PAX8: variants seen among roughly 807,000 people sequenced by gnomAD.
The protein encoded by PAX8 is paired box protein Pax-8.
A neutral mutation model predicts 52.4 loss-of-function variants in PAX8; 15 were observed. The observed-to-expected ratio is 0.29, with a 90% CI of 0.19 to 0.44. PAX8 has a LOEUF of 0.44. PAX8 is among the 20% of genes least tolerant of loss of function. The pLI, the probability that PAX8 is intolerant of heterozygous loss-of-function variation, is 1.00. For missense variants in PAX8, 554 were observed against 602.5 expected (o/e 0.92, Z 0.84); for synonymous variants, 284 against 249.7 (o/e 1.14, Z -1.29).
chr2:113,262,313 G>A (rs541646989), intron 2 of PAX8, among the ~76,000 whole-genome samples: 19 of 152,272 alleles, frequency 1.2e-4, no homozygotes, highest in African/African-American at 2.9e-4. Context: ...ACCATGACTC[G>A]CCTTTTCTAA....
Position 113,241,604 on chromosome 2 carries a change from G to A in PAX8, c.724C>T (p.Arg242Trp), listed in dbSNP as rs755800018. The change falls in exon 7 of 12, where the codon CGG becomes TGG. Residue 242 changes from arginine to tryptophan, a missense_variant. By Grantham distance (101) the Arg-to-Trp change is moderately radical. This residue lies in a region of PAX8 where 445 missense variants were observed against 409.9 expected (regional missense o/e 1.09). Coordinates refer to ENST00000429538, the MANE Select transcript of PAX8 (RefSeq NM_003466.4). ...GCATAGGCCTCTGGGTAGTGCTGCC[G>A]CTCAAATGGGCACTCGAGCGGCTCG... ...HLEPLECPFE[R>W]QHYPEAYASP... is the part of the protein sequence containing the mutation. The A allele has an allele frequency of 6.8e-6, 11 of 1,613,246 alleles. 1 individual carries two copies. The East Asian group carries it at 8.9e-5, about 13-fold the overall frequency.
intron 2 of PAX8, chr2:113,270,454 G>C (rs748486772): frequency 4.6e-5 from 7 of 152,200 alleles, no homozygotes; most frequent in African/African-American, 9.7e-5. Flanking sequence ...ATGGAAGCCC[G>C]GGCTTTGCCT....
intron 9 of PAX8, among the ~76,000 whole-genome samples, chr2:113,229,532 T>C (rs948330120): frequency 6.6e-6 from 1 of 152,204 alleles, no homozygotes; most frequent in Non-Finnish European, 1.5e-5. Flanking sequence ...TGTCCAGCTG[T>C]GCTTGGCACT....
intron 7 of PAX8, chr2:113,240,196 G>A (rs932876813): frequency 6.6e-5 from 10 of 152,504 alleles, no homozygotes; most frequent in African/African-American, 2.4e-4. Flanking sequence ...CCTTCCTGGA[G>A]CTGTGTGCTG....
intron 2 of PAX8, among the ~76,000 whole-genome samples, chr2:113,255,739 T>C (rs1692199351): frequency 6.6e-6 from 1 of 151,324 alleles, no homozygotes. Context: ...CCATAGAGAC[T>C]CTATGGAGAA....
rs577996515 is a variant in PAX8, at chr2:113,257,184, A to C, written c.26-10265T>G. Reference sequence around the variant, plus strand: ...ATTGATTTCTCTTCTCTCTCTTCTAAAATCCTTAGTAATGATAAAAGGGCA... The same window carrying C: ...ATTGATTTCTCTTCTCTCTCTTCTACAATCCTTAGTAATGATAAAAGGGCA... On this transcript the variant is annotated intron_variant, in intron 2 of 11. Transcript: ENST00000429538. Among the ~76,000 whole-genome samples the C allele has an allele frequency of 3.7e-4, 56 of 152,248 alleles. 2 individuals carry two copies. Among genetic ancestry groups the C allele is most frequent in the African/African-American group, 1.3e-3 (54 of 41,530 alleles).
chr2:113,257,345 C>A (rs1433625833), intron 2 of PAX8, among the ~76,000 whole-genome samples: 1 of 152,090 alleles, frequency 6.6e-6, no homozygotes, highest in Admixed American at 6.5e-5. Context: ...GGCTCTGTTT[C>A]CCTGGTGGGG....
chr2:113,218,889 T>C (rs903324360), intron 11 of PAX8, among the ~76,000 whole-genome samples: 1 of 152,076 alleles, frequency 6.6e-6, no homozygotes, highest in Non-Finnish European at 1.5e-5. Flanking sequence ...GAGAGGGCAA[T>C]AGAAAACAAT....
chr2:113,249,588 T>A (rs1251633330), intron 2 of PAX8, among the ~76,000 whole-genome samples: 4 of 152,032 alleles, frequency 2.6e-5, no homozygotes, highest in African/African-American at 7.2e-5. Context: ...TGCCTTTTTT[T>A]TAAAAAAAGA....
At chr2:113,265,645 C>T (rs1366784024) in intron 2 of PAX8, 1 of 152,144 alleles carries the variant, frequency 6.6e-6, no homozygotes, top group Non-Finnish European at 1.5e-5. Flanking sequence ...AGACTGAAGC[C>T]TTTGCTTTCT....
In PAX8 at chr2:113,278,418, GCCGAGGGCTCGGGGCTTCCT is replaced by G. The variant is rs1558768784; in HGVS notation, c.-44_-25del. 6.2e-7 allele frequency: 1 copy of G among 1,610,432 alleles called. No individual in the cohort carries two copies. Among genetic ancestry groups the G allele is most frequent in the Non-Finnish European group, 8.5e-7 (1 of 1,178,720 alleles). On this transcript the variant is annotated 5_prime_UTR_variant, in exon 2 of 12. Coordinates refer to ENST00000429538, the MANE Select transcript of PAX8 (RefSeq NM_003466.4). ...ATCGCCGGGGAGTCGCTCGCAGCCCGCCGAGGGCTCGGGGCTTCCTCCCGTAGGTCCGGGCCGCGCCTGCC... is the reference window on the plus strand; with the variant it reads ...ATCGCCGGGGAGTCGCTCGCAGCCCGCCCGTAGGTCCGGGCCGCGCCTGCC...
At chr2:113,221,930 GT>G (rs1432107749) in intron 10 of PAX8, among the ~76,000 whole-genome samples, 1 of 151,464 alleles carries the variant, frequency 6.6e-6, no homozygotes, top group Non-Finnish European at 1.5e-5. Flanking sequence ...AAAAACATGG[GT>G]AAAAAAAGGA....
intron 10 of PAX8, among the ~76,000 whole-genome samples, chr2:113,223,022 T>A (rs1376330479): frequency 3.3e-5 from 5 of 152,102 alleles, no homozygotes; most frequent in Non-Finnish European, 5.9e-5. Context: ...TTTCTAGTAG[T>A]CTTGTCATTA....
Position 113,244,579 on chromosome 2 carries a change from G to A in PAX8, c.237C>T (p.Ser79=). 6.2e-7 allele frequency: 1 copy of A among 1,614,172 alleles called. No homozygotes were observed. The highest frequency in any genetic ancestry group is 8.5e-7 in the Non-Finnish European group (1 of 1,180,020). Residue 79 remains serine (S), a synonymous_variant, in exon 4 of 12, where the codon TCC becomes TCT. Coordinates refer to ENST00000429538, the MANE Select transcript of PAX8 (RefSeq NM_003466.4). The part of the protein sequence containing the change: ...GSIRPGVIGG[S]KPKVATPKVV... ...CCTTGGGGGTGGCCACCTTGGGCTT[G>A]GAGCCCCCTATCACTCCAGGCCGGA...
At position 113,257,020 on chromosome 2, in the gene PAX8, G is replaced by A. The variant is rs555190708; in HGVS notation, c.26-10101C>T. 3.9e-5 allele frequency among the ~76,000 whole-genome samples: 6 copies of A among 152,256 alleles called. No individual in the cohort carries two copies. The South Asian group carries it at 1.2e-3, about 32-fold the overall frequency. Reference sequence around the variant, plus strand: ...CCAGGTTCTGGGGACATAGGGGGATGAAGAAAGATGGGTCTCTGCCCTCTT... The same window carrying A: ...CCAGGTTCTGGGGACATAGGGGGATAAAGAAAGATGGGTCTCTGCCCTCTT... On this transcript the variant is annotated intron_variant, in intron 2 of 11. Coordinates refer to ENST00000429538, the MANE Select transcript of PAX8 (RefSeq NM_003466.4).
intron 2 of PAX8, chr2:113,270,597 G>T (rs147367340): frequency 6.6e-6 from 1 of 152,182 alleles, no homozygotes; most frequent in South Asian, 2.1e-4. Context: ...TCCTGGAGAT[G>T]CCGAAGAATC....
intron 10 of PAX8, chr2:113,226,290 T>A (rs1689564947): frequency 3.0e-6 from 3 of 985,386 alleles, no homozygotes; most frequent in South Asian, 9.4e-5. Context: ...GGGTCACAGA[T>A]GCCTTGTGTT....
chr2:113,242,511 G>T (rs1690944545), intron 5 of PAX8, among the ~76,000 whole-genome samples, 179 bp downstream of exon 5: 1 of 152,158 alleles, frequency 6.6e-6, no homozygotes, highest in Admixed American at 6.5e-5. Flanking sequence ...AATCTGCCCT[G>T]GGAACAGGCC....
intron 2 of PAX8, chr2:113,271,992 G>C (rs1693490652): frequency 6.6e-6 from 1 of 152,026 alleles, no homozygotes; most frequent in African/African-American, 2.4e-5. Context: ...CTCTTGTGCA[G>C]ACGTTCTTTT....
Sources: gnomAD v4.1 joint callset for allele counts (sites outside exome capture counted in the v4.1 genomes callset) on GRCh38, gnomAD v4.1.1 for gene constraint, gnomAD v4.1.1 regional missense constraint, MANE v1.5 for transcripts, NCBI Gene and HGNC (gene_info 2026-07-23, HGNC 2026-07-21) for gene names.